The following RBM6 variants were observed in gnomAD, a reference collection of about 807,000 sequenced individuals.
RBM6 encodes the protein RNA binding motif protein 6, also known as RNA-binding protein 6.
In RBM6, 23 loss-of-function variants were observed where a neutral mutation model predicts 140.4. The observed-to-expected ratio is 0.16, with a 90% CI of 0.12 to 0.23. The LOEUF (loss-of-function observed/expected upper bound fraction) is 0.23, where lower values mean the gene tolerates loss of function less well. RBM6 is among the 10% of genes least tolerant of loss of function. RBM6 has a pLI of 1.00. For missense variants in RBM6, 1,139 were observed against 1,386.7 expected, an observed-to-expected ratio of 0.82 and a Z score of 2.84; for synonymous variants, 439 against 475.6, an observed-to-expected ratio of 0.92 and a Z score of 1.00.
At chr3:50,004,416 G>A (rs1308573554) in intron 6 of RBM6, among the ~76,000 whole-genome samples, 1 of 146,830 alleles carries the variant, frequency 6.8e-6, no homozygotes, top group African/African-American at 2.5e-5. Flanking sequence ...TTGTGCCGAA[G>A]TGATCCTCCC....
chr3:50,004,736 C>A (rs2086499725), intron 6 of RBM6, among the ~76,000 whole-genome samples: 1 of 152,048 alleles, frequency 6.6e-6, no homozygotes, highest in African/African-American at 2.4e-5. Flanking sequence ...CCTCTCACCT[C>A]AGCCTTCTGA....
chr3:50,058,394 T>G lies in RBM6; in HGVS notation c.1970-8T>G, dbSNP rs2089801376. 1 of 1,604,966 alleles carries G rather than the reference T, an allele frequency of 6.2e-7. No homozygotes were observed. Among genetic ancestry groups the G allele is most frequent in the African/African-American group, 1.3e-5 (1 of 74,690 alleles). On this transcript the variant is annotated splice_region_variant and splice_polypyrimidine_tract_variant and intron_variant, in intron 9 of 20. Transcript: ENST00000266022. ...GTGTTGCCCTTCTCCCATTTATGGTTGATTCAGCTATCATGCTAAAGCGTA... is the reference window on the plus strand; with the variant it reads ...GTGTTGCCCTTCTCCCATTTATGGTGGATTCAGCTATCATGCTAAAGCGTA...
At chr3:50,046,558 A>G (rs1017827350) in intron 6 of RBM6, among the ~76,000 whole-genome samples, 2 of 151,344 alleles carry the variant, frequency 1.3e-5, no homozygotes, top group East Asian at 3.9e-4. Context: ...CAGCCTGGGC[A>G]ACAAGAGCGA....
intron 1 of RBM6, among the ~76,000 whole-genome samples, chr3:49,948,291 G>A (rs1265176796): frequency 6.6e-6 from 1 of 152,128 alleles, no homozygotes; most frequent in Non-Finnish European, 1.5e-5. Flanking sequence ...ACTTTAGGAG[G>A]CTGAGGTGGG....
chr3:50,065,708 A>G lies in RBM6; in HGVS notation c.2683-534A>G, dbSNP rs2108934661. The stretch of plus-strand genomic sequence containing the variant: ...GACCAATGATTATGCATCATTATTT[A>G]ACAGTTCTTATAAGGTACCCTTTTC... On this transcript the variant is annotated intron_variant, in intron 16 of 20. Transcript: ENST00000266022. The G allele has an allele frequency of 4.4e-6, 2 of 452,816 alleles. 1 individual carries two copies. The highest frequency in any genetic ancestry group is 3.1e-5 in the South Asian group (2 of 63,986). 28.0% of individuals were successfully genotyped at this position (452,816 alleles called of 1,614,324 possible). A position where few individuals can be genotyped will look rare whatever the true frequency, so the allele number is the denominator to read the frequency against.
intron 3 of RBM6, among the ~76,000 whole-genome samples, chr3:49,970,090 A>G (rs947824887): frequency 2.6e-5 from 4 of 151,970 alleles, no homozygotes; most frequent in African/African-American, 7.3e-5. Flanking sequence ...GTAGTTGTGC[A>G]CCACCAAATC....
intron 15 of RBM6, among the ~76,000 whole-genome samples, chr3:50,064,503 GTTTTATTTTA>G (rs574410240): frequency 1.3e-4 from 19 of 151,800 alleles, no homozygotes; most frequent in Non-Finnish European, 2.5e-4. Flanking sequence ...ATATACTAAC[GTTTTATTTTA>G]TTTTATTTTA....
intron 14 of RBM6, 173 bp downstream of exon 14, chr3:50,061,720 T>A: frequency 2.8e-6 from 4 of 1,412,822 alleles, no homozygotes; most frequent in Non-Finnish European, 3.7e-6. Context: ...GTTGCCTATA[T>A]GGAAAATCAG....
At chr3:50,060,231 C>T (rs2089881741) in intron 11 of RBM6, among the ~76,000 whole-genome samples, 1 of 152,196 alleles carries the variant, frequency 6.6e-6, no homozygotes, top group Non-Finnish European at 1.5e-5. Flanking sequence ...CCTTGCAATC[C>T]TAGGAAAATG....
intron 5 of RBM6, among the ~76,000 whole-genome samples, chr3:49,975,916 T>C (rs1481029519): frequency 6.6e-6 from 1 of 152,222 alleles, no homozygotes; most frequent in Non-Finnish European, 1.5e-5. Context: ...ACATCTGTTC[T>C]GTGGTCTGAA....
At chr3:49,971,475 C>G (rs79589316) in intron 3 of RBM6, among the ~76,000 whole-genome samples, 3,159 of 151,108 alleles carry the variant, frequency 0.021, 136 homozygotes, top group African/African-American at 0.073. Context: ...TAGTCATCTT[C>G]TCTCACCAGA....
chr3:49,968,769 GCTTT>G, intron 3 of RBM6, 21 bp downstream of exon 3: 1 of 537,134 alleles, frequency 1.9e-6, no homozygotes, highest in Non-Finnish European at 2.6e-6. Flanking sequence ...GGGGTGGATT[GCTTT>G]TTTTTTTTTT....
intron 7 of RBM6, among the ~76,000 whole-genome samples, chr3:50,052,824 G>A (rs1319042244): frequency 2.6e-5 from 4 of 152,168 alleles, no homozygotes; most frequent in Admixed American, 6.5e-5. Flanking sequence ...GTTCATTCAC[G>A]CAAGCAGTGG....
chr3:50,015,738 TA>T (rs2087108644), intron 6 of RBM6, among the ~76,000 whole-genome samples: 1 of 152,198 alleles, frequency 6.6e-6, no homozygotes, highest in Non-Finnish European at 1.5e-5. Flanking sequence ...GGCCAATTTT[TA>T]TTTTATTTTT....
chr3:49,989,297 A>G (rs1168115955), intron 5 of RBM6, among the ~76,000 whole-genome samples: 2 of 152,196 alleles, frequency 1.3e-5, no homozygotes, highest in East Asian at 1.9e-4. Context: ...TTTGTGGGCC[A>G]GGCCCGGTGG....
intron 6 of RBM6, among the ~76,000 whole-genome samples, chr3:50,002,374 G>A (rs1003915832): frequency 6.6e-6 from 1 of 151,308 alleles, no homozygotes; most frequent in Non-Finnish European, 1.5e-5. Context: ...TGATTCTCCT[G>A]CCTCAGCCTC....
chr3:50,075,345 A>T lies in RBM6; in HGVS notation c.3246+15A>T, dbSNP rs1327236826. 1 of 1,605,324 alleles carries T rather than the reference A, an allele frequency of 6.2e-7. No homozygotes were observed. Among genetic ancestry groups the T allele is most frequent in the East Asian group, 2.2e-5 (1 of 44,662 alleles). ...CATCAGAGGAGGTAAAATGGTTTCC[A>T]TCTTTTGGGGGGTGACATGAACCTG... On this transcript the variant is annotated intron_variant, in intron 20 of 20. Coordinates refer to ENST00000266022, the MANE Select transcript of RBM6 (RefSeq NM_005777.3).
intron 19 of RBM6, among the ~76,000 whole-genome samples, chr3:50,073,887 T>G (rs1454915716): frequency 6.6e-6 from 1 of 152,002 alleles, no homozygotes; most frequent in African/African-American, 2.4e-5. Context: ...TCTCATTCTG[T>G]CGCCCAGGCT....
At chr3:49,944,347 G>T (rs2083400194) in intron 1 of RBM6, among the ~76,000 whole-genome samples, 1 of 151,924 alleles carries the variant, frequency 6.6e-6, no homozygotes, top group African/African-American at 2.4e-5. Flanking sequence ...TTAAGGCTGA[G>T]TAATATTCCA....
Sources: gnomAD v4.1 joint callset for allele counts (sites outside exome capture counted in the v4.1 genomes callset) on GRCh38, gnomAD v4.1.1 for gene constraint, MANE v1.5 for transcripts, NCBI Gene and HGNC (gene_info 2026-07-23, HGNC 2026-07-21) for gene names.